Variants in JAK1 observed in about 807,000 individuals in gnomAD.
JAK1 encodes the protein Janus kinase 1.
In JAK1, 16 loss-of-function variants were observed where a neutral mutation model predicts 136.6. The observed-to-expected ratio is 0.12, with a 90% CI of 0.08 to 0.18. The LOEUF is 0.18. JAK1 is among the 10% of genes least tolerant of loss of function. The pLI is 1.00. For missense variants in JAK1, 859 were observed against 1,450.1 expected, an observed-to-expected ratio of 0.59 and a Z score of 6.62; for synonymous variants, 492 against 519.5, an observed-to-expected ratio of 0.95 and a Z score of 0.72.
intron 5 of JAK1, among the ~76,000 whole-genome samples, chr1:64,870,530 G>A (rs1470527869): frequency 6.6e-6 from 1 of 152,112 alleles, no homozygotes; most frequent in Non-Finnish European, 1.5e-5. Flanking sequence ...CAAGTGGTAG[G>A]CTGGGATTAA....
chr1:65,014,928 AC>A, intron 2 of JAK1, among the ~76,000 whole-genome samples: 1 of 151,560 alleles, frequency 6.6e-6, no homozygotes, highest in East Asian at 2.0e-4. Context: ...CTCGTGATCC[AC>A]CCGCCTCGGC....
At chr1:64,982,817 G>C (rs887792932) in intron 2 of JAK1, among the ~76,000 whole-genome samples, 1 of 151,734 alleles carries the variant, frequency 6.6e-6, no homozygotes, top group Admixed American at 6.6e-5. Flanking sequence ...AAACAAAGAA[G>C]CACCAGAGTA....
intron 13 of JAK1, 122 bp downstream of exon 13, chr1:64,847,410 T>G: frequency 8.1e-7 from 1 of 1,231,166 alleles, no homozygotes; most frequent in South Asian, 1.4e-5. Flanking sequence ...AAATTCTGAG[T>G]AAAAGGCAAG....
At chr1:65,044,706 A>G (rs1015964109) in intron 1 of JAK1, among the ~76,000 whole-genome samples, 4 of 152,184 alleles carry the variant, frequency 2.6e-5, no homozygotes, top group Non-Finnish European at 5.9e-5. Context: ...GCCAACGGCA[A>G]GGGGAGAGAT....
chr1:64,893,579 G>C (rs558491989), intron 1 of JAK1, among the ~76,000 whole-genome samples: 2 of 152,052 alleles, frequency 1.3e-5, no homozygotes, highest in African/African-American at 2.4e-5. Context: ...TACTTTACAG[G>C]GTTGTTGTGA....
At chr1:64,947,658 G>A (rs1646011691) in intron 1 of JAK1, among the ~76,000 whole-genome samples, 1 of 150,960 alleles carries the variant, frequency 6.6e-6, no homozygotes, top group African/African-American at 2.4e-5. Context: ...AAGAATACAG[G>A]TACCCAACAG....
intron 2 of JAK1, among the ~76,000 whole-genome samples, chr1:65,018,880 G>A (rs888398708): frequency 6.6e-6 from 1 of 151,976 alleles, no homozygotes; most frequent in Non-Finnish European, 1.5e-5. Flanking sequence ...GCGTGGTGGC[G>A]GGCGCCTGTA....
intron 2 of JAK1, among the ~76,000 whole-genome samples, chr1:65,042,407 A>AACACAC (rs72477165): frequency 4.9e-4 from 72 of 148,012 alleles, no homozygotes; most frequent in African/African-American, 1.1e-3. Context: ...ACTCTTATTT[A>AACACAC]ACACACACAC....
At chr1:64,860,877 G>C (rs1487061108) in intron 8 of JAK1, among the ~76,000 whole-genome samples, 1 of 134,496 alleles carries the variant, frequency 7.4e-6, no homozygotes, top group African/African-American at 2.6e-5. Context: ...GTGACGCGGT[G>C]GGGGAGGCTG....
At chr1:64,911,960 G>A (rs891643930) in intron 1 of JAK1, among the ~76,000 whole-genome samples, 2 of 152,056 alleles carry the variant, frequency 1.3e-5, no homozygotes, top group Admixed American at 6.5e-5. Flanking sequence ...CATTAATTCA[G>A]GCTCTCCAAT....
rs1644851516 is a variant in JAK1, at chr1:64,886,279, A to G, written c.-15T>C. On this transcript the variant is annotated 5_prime_UTR_variant, in exon 2 of 25. Coordinates refer to ENST00000342505, the MANE Select transcript of JAK1 (RefSeq NM_002227.4). The stretch of plus-strand genomic sequence containing the variant: ...CATACCTGCATTTATTCAGCTGTCC[A>G]GTGTTCTCCAAGAAGCAAACTGGAT... 1.9e-6 allele frequency: 3 copies of G among 1,597,178 alleles called. No homozygotes were observed. Among genetic ancestry groups the G allele is most frequent in the Non-Finnish European group, 2.6e-6 (3 of 1,172,826 alleles).
intron 2 of JAK1, among the ~76,000 whole-genome samples, chr1:65,004,503 A>C (rs923891223): frequency 6.6e-6 from 1 of 152,248 alleles, no homozygotes; most frequent in Non-Finnish European, 1.5e-5. Context: ...CAGAATAGAC[A>C]GATGCAATCT....
At chr1:64,908,737 CAT>C (rs1645231433) in intron 1 of JAK1, among the ~76,000 whole-genome samples, 1 of 56,276 alleles carries the variant, frequency 1.8e-5, no homozygotes, top group African/African-American at 3.8e-5. Flanking sequence ...TCATGGCAAA[CAT>C]ACACACACAC....
intron 2 of JAK1, among the ~76,000 whole-genome samples, chr1:65,003,099 C>T (rs1646776209): frequency 6.6e-6 from 1 of 151,004 alleles, no homozygotes; most frequent in African/African-American, 2.4e-5. Flanking sequence ...CCGCCTGACT[C>T]GCCCCATTGC....
chr1:64,845,315 CAT>C (rs1329704099), intron 15 of JAK1, among the ~76,000 whole-genome samples, 196 bp downstream of exon 15: 9 of 152,186 alleles, frequency 5.9e-5, no homozygotes, highest in Non-Finnish European at 1.2e-4. Context: ...AAACAGAACT[CAT>C]GTGAGCACAG....
intron 9 of JAK1, 86 bp downstream of exon 9, chr1:64,860,019 C>T: frequency 8.4e-7 from 1 of 1,187,794 alleles, no homozygotes; most frequent in Non-Finnish European, 1.1e-6. Flanking sequence ...GTCAACTGGC[C>T]TGACCTAAAC....
intron 12 of JAK1, 139 bp from the exon 13 acceptor site, chr1:64,847,814 TC>T (rs983927508): frequency 8.0e-6 from 7 of 878,462 alleles, no homozygotes; most frequent in African/African-American, 5.1e-5. Context: ...CAGCTCGTGG[TC>T]CCCAGGCCTC....
At chr1:64,866,841 T>C (rs1297936906) in intron 7 of JAK1, 25 bp downstream of exon 7, 1 of 1,546,058 alleles carries the variant, frequency 6.5e-7, no homozygotes, top group East Asian at 2.3e-5. Context: ...ATGTTCTCTT[T>C]GATCGACTGC....
chr1:64,917,665 T>A (rs1482903613), intron 1 of JAK1, among the ~76,000 whole-genome samples: 1 of 152,164 alleles, frequency 6.6e-6, no homozygotes, highest in Non-Finnish European at 1.5e-5. Context: ...GAAATTCCTG[T>A]TCCCCTGCTG....
Sources: allele counts gnomAD v4.1 joint callset (sites outside exome capture counted in the v4.1 genomes callset), GRCh38; gene constraint gnomAD v4.1.1; transcripts MANE v1.5; gene names NCBI Gene and HGNC (gene_info 2026-07-23, HGNC 2026-07-21).